PAK2: variants seen among roughly 807,000 people sequenced by gnomAD.
The protein encoded by PAK2 is serine/threonine-protein kinase PAK 2.
Under a neutral mutation model 65.9 loss-of-function variants are expected in PAK2, and 21 were observed. The observed-to-expected ratio is 0.32, with a 90% CI of 0.23 to 0.46. The LOEUF (loss-of-function observed/expected upper bound fraction) is 0.46, where lower values mean the gene tolerates loss of function less well. Among genes scored for constraint, PAK2 ranks in the 20% least tolerant of loss-of-function variants. PAK2 has a pLI of 1.00. For missense variants in PAK2, 324 were observed against 642.6 expected, an observed-to-expected ratio of 0.50 and a Z score of 5.36; for synonymous variants, 204 against 219.7, an observed-to-expected ratio of 0.93 and a Z score of 0.63.
chr3:196,759,491 TTTTTTTG>T (rs760031347), intron 1 of PAK2, among the ~76,000 whole-genome samples: 35 of 110,154 alleles, frequency 3.2e-4, no homozygotes, highest in South Asian at 9.9e-4. Context: ...GTTAAGTGGT[TTTTTTTG>T]TTTTTTTTTT....
intron 6 of PAK2, among the ~76,000 whole-genome samples, chr3:196,806,997 C>T (rs972060816): frequency 4.6e-5 from 7 of 152,046 alleles, no homozygotes; most frequent in African/African-American, 1.4e-4. Context: ...ATGTAGATGA[C>T]GACTAAATCT....
chr3:196,764,738 C>CT (rs1714099432), intron 1 of PAK2, among the ~76,000 whole-genome samples: 1 of 151,840 alleles, frequency 6.6e-6, no homozygotes, highest in Admixed American at 6.6e-5. Flanking sequence ...AGGCTGGTCT[C>CT]TAACTAGTGG....
intron 1 of PAK2, chr3:196,747,193 ATG>A (rs1713414100): frequency 6.6e-6 from 1 of 151,122 alleles, no homozygotes; most frequent in South Asian, 2.1e-4. Context: ...GTTGTTAACA[ATG>A]TTAACATTAA....
chr3:196,771,418 C>T (rs1209359761), intron 1 of PAK2, among the ~76,000 whole-genome samples: 1 of 152,060 alleles, frequency 6.6e-6, no homozygotes, highest in African/African-American at 2.4e-5. Flanking sequence ...CTTCTACTTA[C>T]AGATTTGTGT....
intron 1 of PAK2, among the ~76,000 whole-genome samples, chr3:196,781,218 A>G (rs1300772323): frequency 6.6e-6 from 1 of 152,220 alleles, no homozygotes; most frequent in African/African-American, 2.4e-5. Flanking sequence ...GCTTAAATGC[A>G]TTAAATAATC....
chr3:196,793,659 A>G (rs909806684), intron 2 of PAK2, among the ~76,000 whole-genome samples: 6 of 152,228 alleles, frequency 3.9e-5, no homozygotes, highest in African/African-American at 1.2e-4. Flanking sequence ...CAGCCTGTGC[A>G]TACACACATA....
At chr3:196,794,127 T>G (rs1715167477) in intron 2 of PAK2, among the ~76,000 whole-genome samples, 1 of 151,576 alleles carries the variant, frequency 6.6e-6, no homozygotes, top group Non-Finnish European at 1.5e-5. Flanking sequence ...CAAGACTCTG[T>G]CTCAAATAAA....
Position 196,820,841 on chromosome 3 carries a change from A to G in PAK2, c.1350+274A>G, listed in dbSNP as rs1408759945. On this transcript the variant is annotated intron_variant, in intron 13 of 14. Transcript: ENST00000327134. This position sits in a 1 kb window ranked among gnomAD's most constrained non-coding sequence, Gnocchi z 4.6. Reference sequence around the variant, plus strand: ...TGTCTCTAAAGCTTCTCCTTCTTTTATTTTTTAAGATGTTTTGAGACAGGG... The same window carrying G: ...TGTCTCTAAAGCTTCTCCTTCTTTTGTTTTTTAAGATGTTTTGAGACAGGG... Among the ~76,000 whole-genome samples, 1 of 151,930 alleles carries G rather than the reference A, an allele frequency of 6.6e-6. No homozygotes were observed. Among genetic ancestry groups the G allele is most frequent in the Non-Finnish European group, 1.5e-5 (1 of 67,984 alleles).
At chr3:196,743,922 A>G (rs1713287860) in intron 1 of PAK2, among the ~76,000 whole-genome samples, 1 of 152,196 alleles carries the variant, frequency 6.6e-6, no homozygotes, top group Admixed American at 6.5e-5. Flanking sequence ...GCCTTCTAAA[A>G]GAACGAAGTT....
rs767122683 is a variant in PAK2 at position 196,812,239 on chromosome 3, C to T, written c.794C>T (p.Thr265Ile). The change falls in exon 9 of 15, where the codon ACT becomes ATT. Residue 265 changes from threonine (T) to isoleucine (I), a missense_variant. This residue lies in a region of PAK2 where 183 missense variants were observed against 246.2 expected (regional missense o/e 0.74). Transcript: ENST00000327134. The stretch of plus-strand genomic sequence containing the variant: ...TCTAGGGCTTCTGGTACAGTTTTCA[C>T]TGCTACTGACGTTGCACTGGGACAG... ...IGQGASGTVF[T>I]ATDVALGQEV... 29 of 1,593,270 alleles carry T rather than the reference C, an allele frequency of 1.8e-5. 1 individual carries two copies. Among genetic ancestry groups the T allele is most frequent in the Admixed American group, 1.2e-4 (7 of 59,934 alleles).
intron 13 of PAK2, among the ~76,000 whole-genome samples, chr3:196,821,632 G>C (rs1218603400): frequency 6.7e-6 from 1 of 150,010 alleles, no homozygotes; most frequent in South Asian, 2.1e-4. Flanking sequence ...GCAGTGAGCC[G>C]AGATCATGCC....
In PAK2 at chr3:196,781,691, G is replaced by A. The variant is rs117863262; in HGVS notation, c.-21-935G>A. Among the ~76,000 whole-genome samples, 231 of 152,360 alleles carry A rather than the reference G, an allele frequency of 1.5e-3. 6 individuals carry two copies. The East Asian group carries it at 0.031, about 20-fold the overall frequency. ...GCATTGTTTCAAGATTCCTTGGCCA[G>A]GCGTGGGGGCTCACGCCTATAATCT... On this transcript the variant is annotated intron_variant, in intron 1 of 14. Transcript: ENST00000327134.
At chr3:196,750,648 T>G (rs1713543697) in intron 1 of PAK2, among the ~76,000 whole-genome samples, 1 of 152,176 alleles carries the variant, frequency 6.6e-6, no homozygotes, top group Admixed American at 6.5e-5. Context: ...TTGTTGTGTC[T>G]TTTTAAAATT....
chr3:196,763,066 C>T (rs1714039340), intron 1 of PAK2, among the ~76,000 whole-genome samples: 2 of 152,116 alleles, frequency 1.3e-5, no homozygotes, highest in African/African-American at 4.8e-5. Context: ...GAGATAGACC[C>T]CCCACCCCCT....
chr3:196,775,432 G>T (rs751578261), intron 1 of PAK2, among the ~76,000 whole-genome samples: 1 of 152,030 alleles, frequency 6.6e-6, no homozygotes, highest in Non-Finnish European at 1.5e-5. Flanking sequence ...GCCCAGGCTG[G>T]AGTGCAGTGG....
At chr3:196,768,734 C>T (rs1195840769) in intron 1 of PAK2, among the ~76,000 whole-genome samples, 1 of 151,566 alleles carries the variant, frequency 6.6e-6, no homozygotes, top group Non-Finnish European at 1.5e-5. Flanking sequence ...GGTGAAATCT[C>T]GGCTCACTGC....
intron 1 of PAK2, among the ~76,000 whole-genome samples, chr3:196,771,738 A>G (rs1168658749): frequency 2.0e-5 from 3 of 151,962 alleles, no homozygotes; most frequent in South Asian, 2.1e-4. Flanking sequence ...TTGTATTTTT[A>G]GTAGAGATGG....
At chr3:196,788,472 T>C (rs1397367659) in intron 2 of PAK2, among the ~76,000 whole-genome samples, 1 of 152,208 alleles carries the variant, frequency 6.6e-6, no homozygotes, top group Non-Finnish European at 1.5e-5. Flanking sequence ...TCGAAAATTA[T>C]CCTTTTGGAT....
At chr3:196,778,594 G>A (rs1212221631) in intron 1 of PAK2, among the ~76,000 whole-genome samples, 1 of 152,096 alleles carries the variant, frequency 6.6e-6, no homozygotes, top group Admixed American at 6.5e-5. Flanking sequence ...ACCGTGATAC[G>A]TATGTCAAAA....
Sources: allele counts gnomAD v4.1 joint callset (sites outside exome capture counted in the v4.1 genomes callset), GRCh38; gene constraint gnomAD v4.1.1; regional missense constraint gnomAD v4.1.1; non-coding constraint Gnocchi (gnomAD v3.1); transcripts MANE v1.5; gene names NCBI Gene and HGNC (gene_info 2026-07-23, HGNC 2026-07-21).